The following AGBL4 variants were observed in gnomAD, a reference collection of about 807,000 sequenced individuals.
AGBL4 encodes the protein AGBL carboxypeptidase 4.
A neutral mutation model predicts 66.4 loss-of-function variants in AGBL4; 58 were observed. That is an observed-to-expected ratio of 0.87 (90% CI 0.71 to 1.09). AGBL4 has a LOEUF of 1.09. Among genes scored for constraint, AGBL4 ranks in the 50% least tolerant of loss-of-function variants. The pLI is 0.00. For synonymous variants in AGBL4, 234 were observed against 222.9 expected (o/e 1.05, Z -0.44); for missense variants, 579 against 631.0 (o/e 0.92, Z 0.88).
intron 4 of AGBL4, among the ~76,000 whole-genome samples, chr1:49,186,759 T>C (rs529419055): frequency 6.6e-6 from 1 of 152,102 alleles, no homozygotes; most frequent in Non-Finnish European, 1.5e-5. Context: ...CAACATATTA[T>C]AAAGATAATA....
chr1:48,868,140 ATC>A (rs1648292195), intron 5 of AGBL4, among the ~76,000 whole-genome samples: 1 of 152,154 alleles, frequency 6.6e-6, no homozygotes, highest in African/African-American at 2.4e-5. Flanking sequence ...AGTATTGGAA[ATC>A]TCTGTTTCTG....
chr1:48,926,865 T>C (rs1654621432), intron 5 of AGBL4, among the ~76,000 whole-genome samples: 1 of 152,182 alleles, frequency 6.6e-6, no homozygotes, highest in South Asian at 2.1e-4. Context: ...GTAGCAATAG[T>C]AGTAGTAGCA....
chr1:49,185,282 T>C (rs1646995909), intron 4 of AGBL4, among the ~76,000 whole-genome samples: 1 of 152,194 alleles, frequency 6.6e-6, no homozygotes, highest in African/African-American at 2.4e-5. Flanking sequence ...TAACCATAGA[T>C]GGCAGAAATG....
At chr1:49,749,591 A>C (rs1439162941) in intron 2 of AGBL4, among the ~76,000 whole-genome samples, 1 of 152,168 alleles carries the variant, frequency 6.6e-6, no homozygotes, top group Non-Finnish European at 1.5e-5. Flanking sequence ...AAATAACTGC[A>C]GTAGCAACAA....
chr1:49,620,026 A>G (rs1645327868), intron 3 of AGBL4, among the ~76,000 whole-genome samples: 1 of 152,212 alleles, frequency 6.6e-6, no homozygotes, highest in South Asian at 2.1e-4. Flanking sequence ...CCCTAGAAGA[A>G]CACCTAGGCA....
chr1:49,794,459 C>G (rs1644681559), intron 2 of AGBL4, among the ~76,000 whole-genome samples: 1 of 151,894 alleles, frequency 6.6e-6, no homozygotes, highest in Non-Finnish European at 1.5e-5. Flanking sequence ...TTCAGAGAGG[C>G]AGTAACTTGT....
intron 5 of AGBL4, among the ~76,000 whole-genome samples, chr1:49,015,423 T>TC (rs1491247404): frequency 3.1e-3 from 114 of 37,370 alleles, no homozygotes; most frequent in African/African-American, 6.6e-3. Flanking sequence ...TTTCAAGTAA[T>TC]TTTTTTTTTT....
At chr1:49,583,916 G>A (rs1280624879) in intron 3 of AGBL4, among the ~76,000 whole-genome samples, 2 of 152,114 alleles carry the variant, frequency 1.3e-5, no homozygotes, top group Non-Finnish European at 1.5e-5. Context: ...CCTTAAGCCA[G>A]TCCTGAAGCC....
At chr1:48,787,938 G>C (rs1645448006) in intron 6 of AGBL4, among the ~76,000 whole-genome samples, 1 of 152,198 alleles carries the variant, frequency 6.6e-6, no homozygotes, top group African/African-American at 2.4e-5. Context: ...GCCATCAAAT[G>C]GTCTCCAACC....
chr1:48,529,939 C>T (rs1456721463), downstream of AGBL4, among the ~76,000 whole-genome samples: 2 of 152,142 alleles, frequency 1.3e-5, no homozygotes, highest in Non-Finnish European at 2.9e-5. Context: ...AGGAAGAAGG[C>T]AGGGCTTCAG....
chr1:49,383,076 G>A (rs756014245), intron 3 of AGBL4, among the ~76,000 whole-genome samples: 3 of 152,136 alleles, frequency 2.0e-5, no homozygotes, highest in African/African-American at 4.8e-5. Context: ...AAACTCTTAT[G>A]AATGAATTTA....
chr1:48,785,048 A>G (rs1645378737), intron 6 of AGBL4, among the ~76,000 whole-genome samples: 1 of 152,180 alleles, frequency 6.6e-6, no homozygotes, highest in South Asian at 2.1e-4. Context: ...TTATTAAATT[A>G]ACTCATTCTG....
In AGBL4 at chr1:49,084,886, A is replaced by T. The variant is rs113338166; in HGVS notation, c.378-39086T>A. 1.8e-3 allele frequency among the ~76,000 whole-genome samples: 278 copies of T among 152,264 alleles called. 2 individuals carry two copies. The highest frequency in any genetic ancestry group is 6.3e-3 in the African/African-American group (263 of 41,536). ...TCAGCAATTAAGTGATGGGTCTGAG[A>T]CCGTCATGTTGTCCTTTTTGACTCC... On this transcript the variant is annotated intron_variant, in intron 4 of 13. Coordinates refer to ENST00000371839, the MANE Select transcript of AGBL4 (RefSeq NM_032785.4).
intron 3 of AGBL4, among the ~76,000 whole-genome samples, chr1:49,585,846 G>C (rs1176485818): frequency 6.6e-6 from 1 of 152,108 alleles, no homozygotes; most frequent in Non-Finnish European, 1.5e-5. Context: ...CAGAGTCGAA[G>C]TTGGAAGAAT....
intron 2 of AGBL4, among the ~76,000 whole-genome samples, chr1:49,803,326 G>C (rs934153098): frequency 1.3e-5 from 2 of 152,018 alleles, no homozygotes; most frequent in African/African-American, 2.4e-5. Flanking sequence ...TAACAGAGTT[G>C]AGACTTTAAC....
chr1:49,767,188 A>G (rs975675054), intron 2 of AGBL4, among the ~76,000 whole-genome samples: 1 of 152,168 alleles, frequency 6.6e-6, no homozygotes, highest in East Asian at 1.9e-4. Context: ...ATACTCTAAG[A>G]TCAACCACAT....
At chr1:49,394,186 T>G (rs1644908510) in intron 3 of AGBL4, among the ~76,000 whole-genome samples, 1 of 152,016 alleles carries the variant, frequency 6.6e-6, no homozygotes, top group South Asian at 2.1e-4. Flanking sequence ...AGTATTTCAT[T>G]TTGTGTCTTG....
At chr1:48,602,813 G>T (rs1001385222) in intron 9 of AGBL4, among the ~76,000 whole-genome samples, 1 of 151,964 alleles carries the variant, frequency 6.6e-6, no homozygotes, top group Admixed American at 6.6e-5. Context: ...CTCTCATCTT[G>T]CCCCTTTTCT....
chr1:48,711,005 C>T (rs544968673), intron 6 of AGBL4, among the ~76,000 whole-genome samples: 4 of 152,316 alleles, frequency 2.6e-5, no homozygotes, highest in South Asian at 2.1e-4. Context: ...CTTTGGGACA[C>T]GCCTCACTCC....
Sources: allele counts gnomAD v4.1 joint callset (sites outside exome capture counted in the v4.1 genomes callset), GRCh38; gene constraint gnomAD v4.1.1; transcripts MANE v1.5; gene names NCBI Gene and HGNC (gene_info 2026-07-23, HGNC 2026-07-21).